ANK3: variants seen among roughly 807,000 people sequenced by gnomAD.
ANK3 encodes ankyrin 3.
In ANK3, 57 loss-of-function variants were observed where a neutral mutation model predicts 370.9. The observed-to-expected ratio is 0.15, with a 90% CI of 0.12 to 0.19. The LOEUF is 0.19. Among genes scored for constraint, ANK3 ranks in the 10% least tolerant of loss-of-function variants. The probability of loss-of-function intolerance (pLI) is 1.00; values close to 1 mark genes in which losing one functional copy is unlikely to be tolerated. For synonymous variants in ANK3, 1,929 were observed against 1,946.3 expected (o/e 0.99, Z 0.23); for missense variants, 4,439 against 5,302.1 (o/e 0.84, Z 5.06).
chr10:60,522,732 G>A (rs2393642), intron 2 of ANK3, among the ~76,000 whole-genome samples: 103,990 of 151,950 alleles, frequency 0.68, 35,988 homozygotes, highest in South Asian at 0.88. Flanking sequence ...TTATAAGGAT[G>A]ATATGAGTTA....
chr10:60,591,297 T>TTTTTA (rs1269526604), intron 2 of ANK3, among the ~76,000 whole-genome samples: 6 of 143,042 alleles, frequency 4.2e-5, no homozygotes, highest in South Asian at 2.2e-4. Flanking sequence ...TTTATTTTTA[T>TTTTTA]TTTTATTTTA....
Position 60,113,674 on chromosome 10 carries a change from C to T in ANK3, c.2948+551G>A, listed in dbSNP as rs145295301. 3.9e-3 allele frequency among the ~76,000 whole-genome samples: 592 copies of T among 152,248 alleles called. 3 individuals carry two copies. The highest frequency in any genetic ancestry group is 0.013 in the African/African-American group (553 of 41,550). On this transcript the variant is annotated intron_variant, in intron 26 of 43. Transcript: ENST00000280772. ...TCAGTAAGCTAAGACTGCACCACTG[C>T]ACTCCAGCCTGGCTGACAGAGCCAG...
intron 12 of ANK3, among the ~76,000 whole-genome samples, chr10:60,201,192 T>C (rs576611537): frequency 1.3e-5 from 2 of 152,232 alleles, no homozygotes; most frequent in Non-Finnish European, 2.9e-5. Flanking sequence ...ATTTAGTATA[T>C]TACTCAGTGT....
intron 1 of ANK3, among the ~76,000 whole-genome samples, chr10:60,315,422 C>T (rs1042723274): frequency 1.6e-4 from 25 of 152,070 alleles, no homozygotes; most frequent in African/African-American, 5.8e-4. Flanking sequence ...ATGACCCTTC[C>T]AAGAACCCAA....
chr10:60,370,435 T>G (rs1048191434), intron 1 of ANK3, among the ~76,000 whole-genome samples: 1 of 152,150 alleles, frequency 6.6e-6, no homozygotes, highest in South Asian at 2.1e-4. Context: ...TGAATAGCAT[T>G]GAAAAATTAA....
At chr10:60,650,799 C>T (rs914293641) in intron 1 of ANK3, among the ~76,000 whole-genome samples, 1 of 152,170 alleles carries the variant, frequency 6.6e-6, no homozygotes, top group Admixed American at 6.6e-5. Flanking sequence ...TATTATGTAT[C>T]TGGGCCCAGC....
At chr10:60,153,970 C>A (rs947573376) in intron 23 of ANK3, among the ~76,000 whole-genome samples, 1 of 152,076 alleles carries the variant, frequency 6.6e-6, no homozygotes, top group Admixed American at 6.6e-5. Flanking sequence ...TTGATGCAAC[C>A]GATCAAACAT....
chr10:60,254,608 G>A (rs2097710946), intron 7 of ANK3, among the ~76,000 whole-genome samples: 1 of 152,178 alleles, frequency 6.6e-6, no homozygotes, highest in South Asian at 2.1e-4. Context: ...TGTCTTCCAA[G>A]GTCATCTACA....
At chr10:60,550,978 G>T (rs1387141837) in intron 2 of ANK3, among the ~76,000 whole-genome samples, 1 of 152,006 alleles carries the variant, frequency 6.6e-6, no homozygotes, top group Non-Finnish European at 1.5e-5. Context: ...ATGGTTTAGT[G>T]TATCCTTATC....
intron 1 of ANK3, among the ~76,000 whole-genome samples, chr10:60,351,513 C>T (rs1232190466): frequency 1.3e-5 from 2 of 152,180 alleles, no homozygotes. Context: ...AGGGCAGGAG[C>T]ATTGGGGAAG....
chr10:60,573,066 T>G (rs2077635633), intron 2 of ANK3: 20 of 926,660 alleles, frequency 2.2e-5, no homozygotes, highest in Non-Finnish European at 2.6e-5. Context: ...CTAACACATG[T>G]GTTGAATGCA....
intron 1 of ANK3, among the ~76,000 whole-genome samples, chr10:60,389,148 C>T (rs767826512): frequency 2.0e-4 from 31 of 152,124 alleles, no homozygotes; most frequent in Non-Finnish European, 3.4e-4. Context: ...CTCACAGCAC[C>T]TTTCCATGTC....
chr10:60,036,923 G>C (rs749372121), intron 43 of ANK3, among the ~76,000 whole-genome samples: 2 of 152,116 alleles, frequency 1.3e-5, no homozygotes, highest in African/African-American at 4.8e-5. Context: ...CTTCGGACTT[G>C]CATATGTAAC....
chr10:60,603,465 T>C (rs1238542457), intron 2 of ANK3, among the ~76,000 whole-genome samples: 1 of 152,112 alleles, frequency 6.6e-6, no homozygotes, highest in Non-Finnish European at 1.5e-5. Context: ...GAAATGCAAA[T>C]TATAAAGTTT....
At chr10:60,525,916 G>A (rs2076459735) in intron 2 of ANK3, among the ~76,000 whole-genome samples, 1 of 152,136 alleles carries the variant, frequency 6.6e-6, no homozygotes, top group African/African-American at 2.4e-5. Flanking sequence ...AGATGGTCCA[G>A]ACTGCCTGAT....
chr10:60,718,801 A>G (rs758629178), intron 1 of ANK3, among the ~76,000 whole-genome samples: 10 of 152,190 alleles, frequency 6.6e-5, no homozygotes, highest in Non-Finnish European at 1.3e-4. Flanking sequence ...GACTATGTGA[A>G]TAAGAAGCAC....
At chr10:60,193,735 T>G (rs569265172) in intron 16 of ANK3, among the ~76,000 whole-genome samples, 1 of 152,304 alleles carries the variant, frequency 6.6e-6, no homozygotes, top group East Asian at 1.9e-4. Context: ...CTGCTTTTTG[T>G]GCCAAAATTT....
At chr10:60,284,150 T>A (rs944716979) in intron 1 of ANK3, among the ~76,000 whole-genome samples, 1 of 151,924 alleles carries the variant, frequency 6.6e-6, no homozygotes, top group Admixed American at 6.6e-5. Flanking sequence ...GATGGCCAAG[T>A]GAAGAAAGAG....
intron 2 of ANK3, among the ~76,000 whole-genome samples, chr10:60,451,630 A>C (rs1052985114): frequency 6.6e-6 from 1 of 152,234 alleles, no homozygotes; most frequent in Non-Finnish European, 1.5e-5. Flanking sequence ...TAACATCCCC[A>C]ACTGCCTATA....
Sources: allele counts gnomAD v4.1 joint callset (sites outside exome capture counted in the v4.1 genomes callset), GRCh38; gene constraint gnomAD v4.1.1; transcripts MANE v1.5; gene names NCBI Gene and HGNC (gene_info 2026-07-23, HGNC 2026-07-21).